The following ROBO1 variants were observed in gnomAD, a reference collection of about 807,000 sequenced individuals.
ROBO1 encodes roundabout homolog 1.
A neutral mutation model predicts 195.9 loss-of-function variants in ROBO1; 149 were observed. That is an observed-to-expected ratio of 0.76 (90% CI 0.67 to 0.87). ROBO1 has a LOEUF of 0.87. ROBO1 is among the 40% of genes least tolerant of loss of function. The pLI is 0.00. For missense variants in ROBO1, 1,933 were observed against 2,068.3 expected (o/e 0.93, Z 1.27); for synonymous variants, 816 against 733.2 (o/e 1.11, Z -1.82).
At chr3:78,821,234 C>T (rs1349946909) in intron 4 of ROBO1, among the ~76,000 whole-genome samples, 2 of 145,362 alleles carry the variant, frequency 1.4e-5, no homozygotes, top group South Asian at 2.2e-4. Flanking sequence ...GGTGCGATCT[C>T]GTCTCACTGC....
intron 2 of ROBO1, among the ~76,000 whole-genome samples, chr3:79,561,867 C>T (rs972883409): frequency 2.0e-5 from 3 of 152,052 alleles, no homozygotes; most frequent in Admixed American, 2.0e-4. Context: ...GTCTATTAGA[C>T]ATAAAATGCC....
chr3:78,655,277 C>T (rs548743699), intron 18 of ROBO1, among the ~76,000 whole-genome samples: 2 of 152,268 alleles, frequency 1.3e-5, no homozygotes, highest in South Asian at 2.1e-4. Flanking sequence ...ATGGGACTCT[C>T]ATATAATAGA....
intron 2 of ROBO1, among the ~76,000 whole-genome samples, chr3:79,185,747 T>C (rs147999897): frequency 4.6e-5 from 7 of 152,268 alleles, no homozygotes; most frequent in African/African-American, 1.7e-4. Context: ...GCCTTTTAGG[T>C]TGGCCATCTT....
chr3:78,911,806 A>G (rs554701827), intron 4 of ROBO1, among the ~76,000 whole-genome samples: 1 of 152,194 alleles, frequency 6.6e-6, no homozygotes, highest in African/African-American at 2.4e-5. Flanking sequence ...GAATCTAACA[A>G]CATTTCATTT....
At chr3:79,564,587 T>C (rs1559996908) in intron 2 of ROBO1, among the ~76,000 whole-genome samples, 1 of 152,088 alleles carries the variant, frequency 6.6e-6, no homozygotes, top group Non-Finnish European at 1.5e-5. Context: ...AATGATGCTA[T>C]TATAAATGCT....
intron 5 of ROBO1, among the ~76,000 whole-genome samples, chr3:78,739,165 T>C (rs1271089128): frequency 6.6e-6 from 1 of 152,132 alleles, no homozygotes; most frequent in Non-Finnish European, 1.5e-5. Flanking sequence ...TAAAATGAAA[T>C]AATTCGGGAT....
At chr3:78,904,411 T>C (rs2037767301) in intron 4 of ROBO1, among the ~76,000 whole-genome samples, 1 of 152,086 alleles carries the variant, frequency 6.6e-6, no homozygotes, top group Non-Finnish European at 1.5e-5. Flanking sequence ...AGACAGTTTC[T>C]TACACTGGGA....
intron 1 of ROBO1, among the ~76,000 whole-genome samples, chr3:79,724,771 G>A (rs949767378): frequency 6.6e-6 from 1 of 152,240 alleles, no homozygotes; most frequent in Admixed American, 6.5e-5. Flanking sequence ...CACAGAAAGT[G>A]TGAGATAAAT....
chr3:78,885,909 T>TTA (rs10651992), intron 4 of ROBO1, among the ~76,000 whole-genome samples: 26,648 of 117,254 alleles, frequency 0.23, 2,786 homozygotes, highest in South Asian at 0.28. Context: ...TAGCAAAATT[T>TTA]TATATATATA....
intron 1 of ROBO1, among the ~76,000 whole-genome samples, chr3:79,718,254 A>G (rs1317513352): frequency 6.6e-6 from 1 of 152,030 alleles, no homozygotes; most frequent in East Asian, 1.9e-4. Flanking sequence ...ACCAGAACAA[A>G]TTTCAAGGCA....
intron 1 of ROBO1, among the ~76,000 whole-genome samples, chr3:79,632,659 T>G (rs116494216): frequency 1.8e-3 from 273 of 152,188 alleles, no homozygotes; most frequent in African/African-American, 6.2e-3. Flanking sequence ...CAGAAGCAAA[T>G]GTAAAACCTA....
Position 78,667,949 on chromosome 3 carries a change from C to T in ROBO1, c.1900G>A (p.Val634Met), listed in dbSNP as rs1461562552. 8 of 1,613,804 alleles carry T rather than the reference C, an allele frequency of 5.0e-6. No homozygotes were observed. The highest frequency in any genetic ancestry group is 6.8e-6 in the Non-Finnish European group (8 of 1,179,792). Residue 634 changes from valine to methionine, a missense_variant, in exon 14 of 31, where the codon GTG becomes ATG. Around this residue, in one of 3 missense-constraint regions of ROBO1, gnomAD observed 1,737 missense variants for 1,882.5 expected, o/e 0.92. Coordinates refer to ENST00000464233, the MANE Select transcript of ROBO1 (RefSeq NM_002941.4). Reference protein sequence around the residue: ...LKPNAIYLFLVRAANAYGISD... With the variant: ...LKPNAIYLFLMRAANAYGISD... Reference sequence around the variant, plus strand: ...ATTCCATATGCATTAGCTGCCCTCACAAGGAAAAGGTAAATTGCATTAGGT... The same window carrying T: ...ATTCCATATGCATTAGCTGCCCTCATAAGGAAAAGGTAAATTGCATTAGGT...
chr3:78,755,260 G>C (rs920775882), intron 4 of ROBO1, among the ~76,000 whole-genome samples: 2 of 152,102 alleles, frequency 1.3e-5, no homozygotes, highest in African/African-American at 2.4e-5. Context: ...CTGAGCCCAG[G>C]AGTTGGAGAC....
chr3:79,243,730 G>A (rs2082568149), intron 2 of ROBO1, among the ~76,000 whole-genome samples: 2 of 151,988 alleles, frequency 1.3e-5, no homozygotes, highest in African/African-American at 4.8e-5. Flanking sequence ...CTGGATATTA[G>A]CCCTTTGTCA....
chr3:79,180,649 C>A (rs1032636889), intron 2 of ROBO1, among the ~76,000 whole-genome samples: 1 of 152,164 alleles, frequency 6.6e-6, no homozygotes, highest in African/African-American at 2.4e-5. Context: ...ATTAAATAAG[C>A]AAGTACATTT....
Position 79,019,548 on chromosome 3 carries a change from C to T in ROBO1, c.173-80621G>A, listed in dbSNP as rs1363430934. On this transcript the variant is annotated intron_variant, in intron 3 of 30. Transcript: ENST00000464233. ...TAATACTTAAAGGGGCCGCGTGGTC[C>T]TTTCCATGCTTCACTCTATTCTCCA... 5.6e-5 allele frequency: 55 copies of T among 985,776 alleles called. No individual in the cohort carries two copies. In the South Asian group the frequency reaches 6.1e-4, roughly 11 times the overall value. The allele number at this position is 985,776 out of a possible 1,614,324, so 61.1% of individuals were successfully genotyped here. A position where few individuals can be genotyped will look rare whatever the true frequency, so the allele number is the denominator to read the frequency against.
intron 1 of ROBO1, among the ~76,000 whole-genome samples, chr3:79,766,881 G>C: frequency 6.6e-6 from 1 of 152,132 alleles, no homozygotes; most frequent in Admixed American, 6.5e-5. Flanking sequence ...CAACTGGAGC[G>C]CTTCCTGGTT....
Position 78,688,734 on chromosome 3 carries a change from CA to C in ROBO1, c.1083del (p.Val362LeufsTer7). The C allele has an allele frequency of 6.2e-7, 1 of 1,609,518 alleles. No individual in the cohort carries two copies. Among genetic ancestry groups the C allele is most frequent in the Non-Finnish European group, 8.5e-7 (1 of 1,177,824 alleles). ...AAAGTTACAGTCCGTCCCAAAGCAA[CA>C]ACCTGGTCACGGGGTTTCACAACAA... ...PHFVVKPRDQ[V>X]VALGRTVTFQ... On this transcript the variant is annotated frameshift_variant, in exon 9 of 31. Transcript: ENST00000464233. LOFTEE classifies it high-confidence loss of function.
At chr3:79,104,849 T>C (rs1045030357) in intron 3 of ROBO1, among the ~76,000 whole-genome samples, 4 of 151,768 alleles carry the variant, frequency 2.6e-5, no homozygotes, top group Non-Finnish European at 2.9e-5. Flanking sequence ...AATACAAGAA[T>C]GGACATATAG....
Sources: gnomAD v4.1 joint callset for allele counts (sites outside exome capture counted in the v4.1 genomes callset) on GRCh38, gnomAD v4.1.1 for gene constraint, gnomAD v4.1.1 regional missense constraint, MANE v1.5 for transcripts, NCBI Gene and HGNC (gene_info 2026-07-23, HGNC 2026-07-21) for gene names.